CCDC14: variants seen among roughly 807,000 people sequenced by gnomAD.
CCDC14 encodes the protein coiled-coil domain containing 14, also known as coiled-coil domain-containing protein 14.
CCDC14 carries 71 observed loss-of-function variants against 81.4 expected under a neutral mutation model. The ratio of observed to expected loss-of-function variants is 0.87; its 90% confidence interval spans 0.72 to 1.06. The LOEUF is 1.06. Ranked by LOEUF, CCDC14 falls within the 50% of genes least tolerant of loss-of-function variation. The pLI is 0.00. For missense variants in CCDC14, 1,046 were observed against 1,047.3 expected (o/e 1.00, Z 0.02); for synonymous variants, 332 against 364.8 (o/e 0.91, Z 1.03).
downstream of CCDC14, among the ~76,000 whole-genome samples, chr3:123,896,552 A>G (rs9289226): frequency 5.9e-3 from 901 of 152,274 alleles, 10 homozygotes; most frequent in African/African-American, 0.021. Context: ...GCACAGAAAA[A>G]CAAATAGCAC....
chr3:123,891,905 G>A, the CCDC14 span, among the ~76,000 whole-genome samples: 5 of 152,194 alleles, frequency 3.3e-5, no homozygotes, highest in Non-Finnish European at 7.3e-5. Context: ...AGAAAGAGAG[G>A]TTTAATGGAC....
chr3:123,910,487 T>G (rs566816235), downstream of CCDC14, among the ~76,000 whole-genome samples: 20 of 152,126 alleles, frequency 1.3e-4, no homozygotes, highest in African/African-American at 4.8e-4. Flanking sequence ...GCCCTGCAGT[T>G]TTCCAGTGCT....
At chr3:123,941,949 T>A (rs925469365) in intron 9 of CCDC14, among the ~76,000 whole-genome samples, 1 of 152,128 alleles carries the variant, frequency 6.6e-6, no homozygotes, top group Non-Finnish European at 1.5e-5. Context: ...AGTTTTGGTA[T>A]CCTTATTTAA....
In CCDC14 at chr3:123,915,233, A is replaced by C. The variant is rs11551802; in HGVS notation, c.2264T>G (p.Ile755Arg). 9.7e-5 allele frequency: 156 copies of C among 1,613,758 alleles called. No homozygotes were observed. In the East Asian group the frequency reaches 3.5e-3, roughly 36 times the overall value. Residue 755 changes from isoleucine (I) to arginine (R), a missense_variant, in exon 13 of 13, where the codon ATA becomes AGA. By Grantham distance (97) the Ile-to-Arg change is moderately conservative. Transcript: ENST00000409697. ...GACTAGCTGTGTTGTAGCTGCTCTT[A>C]TTTGTGGCTGAGGGGATAGTCTCTT... Reference protein sequence around the residue: ...LSKRLSPQPQIRAATTQLVSN... With the variant: ...LSKRLSPQPQRRAATTQLVSN...
intron 5 of CCDC14, among the ~76,000 whole-genome samples, chr3:123,901,874 A>G (rs1228087594): frequency 6.6e-6 from 1 of 152,202 alleles, no homozygotes; most frequent in Non-Finnish European, 1.5e-5. Flanking sequence ...CAACTTACTA[A>G]TGAGTAGTAT....
chr3:123,956,997 G>C (rs2037361545), intron 1 of CCDC14: 1 of 379,308 alleles, frequency 2.6e-6, no homozygotes. Flanking sequence ...AATTTGACTA[G>C]TCTAGAAACT....
downstream of CCDC14, among the ~76,000 whole-genome samples, chr3:123,896,321 C>T (rs1435283336): frequency 1.3e-5 from 2 of 152,130 alleles, no homozygotes; most frequent in African/African-American, 4.8e-5. Context: ...CCAGATGAAG[C>T]CCCTTGACCT....
chr3:123,915,431 T>C lies in CCDC14; in HGVS notation c.2066A>G (p.Asn689Ser). ...AGATGCTTCCTCCATGCCCCTAGTGTTACTATTTTGAGGGCCTCTGGAGGA... is the reference window on the plus strand; with the variant it reads ...AGATGCTTCCTCCATGCCCCTAGTGCTACTATTTTGAGGGCCTCTGGAGGA... ...VLSSRGPQNS[N>S]TRGMEEASAP... Residue 689 changes from asparagine to serine, a missense_variant, in exon 13 of 13, where the codon AAC becomes AGC. By Grantham distance (46) the Asn-to-Ser change is conservative. Coordinates refer to ENST00000409697, the MANE Select transcript of CCDC14 (RefSeq NM_001366335.1). 1 of 1,614,004 alleles carries C rather than the reference T, an allele frequency of 6.2e-7. No homozygotes were observed. Among genetic ancestry groups the C allele is most frequent in the Non-Finnish European group, 8.5e-7 (1 of 1,179,902 alleles).
chr3:123,887,816 T>C, the CCDC14 span, among the ~76,000 whole-genome samples: 1 of 152,328 alleles, frequency 6.6e-6, no homozygotes, highest in African/African-American at 2.4e-5. Context: ...TTTGTTCTGT[T>C]TTGGATTGCT....
chr3:123,887,175 TA>T, the CCDC14 span, among the ~76,000 whole-genome samples: 1 of 152,212 alleles, frequency 6.6e-6, no homozygotes, highest in Non-Finnish European at 1.5e-5. Context: ...ATCTATACCA[TA>T]ATCTTCCTAT....
Position 123,931,347 on chromosome 3 carries a change from TA to T in CCDC14, c.1605del (p.Asn535LysfsTer9). On this transcript the variant is annotated frameshift_variant, in exon 11 of 13. Transcript: ENST00000409697. LOFTEE classifies it high-confidence loss of function. ...FKDKDQTILE[N>X]KQQYDIEITR... is the part of the protein sequence containing the mutation. ...GTTATCTCAATATCATATTGCTGTT[TA>T]TTTTCAAGTATAGTTTGATCTTTGT... is the stretch of plus-strand genomic sequence containing the variant. 1 of 1,522,284 alleles carries T rather than the reference TA, an allele frequency of 6.6e-7. No individual in the cohort carries two copies. The highest frequency in any genetic ancestry group is 8.9e-7 in the Non-Finnish European group (1 of 1,120,504). The allele number at this position is 1,522,284 out of a possible 1,614,324, so 94.3% of individuals were successfully genotyped here.
downstream of CCDC14, among the ~76,000 whole-genome samples, chr3:123,896,107 C>G (rs912624736): frequency 6.6e-6 from 1 of 152,120 alleles, no homozygotes; most frequent in Admixed American, 6.5e-5. Context: ...GAAATTTAAC[C>G]GCCAATGTGG....
intron 9 of CCDC14, among the ~76,000 whole-genome samples, chr3:123,934,732 C>T (rs1469352297): frequency 6.6e-6 from 1 of 152,106 alleles, no homozygotes; most frequent in East Asian, 1.9e-4. Flanking sequence ...CCTCTATTAT[C>T]TTTCCAGAAT....
Position 123,949,193 on chromosome 3 carries a change from A to G in CCDC14, c.353-61T>C, listed in dbSNP as rs562030787. On this transcript the variant is annotated intron_variant, in intron 5 of 12. Transcript: ENST00000409697. ...ATTCTTCAAAAACTTTTACCGTAAG[A>G]TTTTAAGAGAAGAAAGGGCTCTCAG... The G allele has an allele frequency of 1.4e-3, 1,470 of 1,055,532 alleles. 1 individual carries two copies. Among genetic ancestry groups the G allele is most frequent in the Non-Finnish European group, 1.9e-3 (1,364 of 714,246 alleles). The allele number at this position is 1,055,532 out of a possible 1,614,324, so 65.4% of individuals were successfully genotyped here.
intron 8 of CCDC14, among the ~76,000 whole-genome samples, chr3:123,945,301 T>C (rs1359139695): frequency 3.3e-5 from 5 of 152,076 alleles, no homozygotes; most frequent in Admixed American, 6.6e-5. Flanking sequence ...ACAAAACTCT[T>C]AGTCCATAGT....
intron 10 of CCDC14, among the ~76,000 whole-genome samples, chr3:123,931,782 CT>C: frequency 6.6e-6 from 1 of 152,136 alleles, no homozygotes; most frequent in South Asian, 2.1e-4. Context: ...ATACATAATC[CT>C]TTTAAAAGAA....
At chr3:123,960,175 T>C (rs1265741060) in intron 1 of CCDC14, among the ~76,000 whole-genome samples, 1 of 152,250 alleles carries the variant, frequency 6.6e-6, no homozygotes, top group Admixed American at 6.5e-5. Flanking sequence ...ATTAAACTTT[T>C]AATTTTGCTA....
rs749347007 is a variant in CCDC14, at chr3:123,948,969, C to T, written c.516G>A (p.Leu172=). The T allele has an allele frequency of 1.9e-6, 3 of 1,613,988 alleles. No homozygotes were observed. Among genetic ancestry groups the T allele is most frequent in the Non-Finnish European group, 2.5e-6 (3 of 1,179,892 alleles). ...TGTTCTTTGAAGTCAAGTCATTCAT[C>T]AGTGACATCTGAGTCTGCACGTGCT... ...LCEHVQTQMS[L]MNDLTSKNIP... The change falls in exon 6 of 13, where the codon CTG becomes CTA. Residue 172 remains leucine, a synonymous_variant. Transcript: ENST00000409697.
intron 1 of CCDC14, among the ~76,000 whole-genome samples, chr3:123,959,875 T>C (rs186177870): frequency 6.6e-6 from 1 of 152,342 alleles, no homozygotes; most frequent in East Asian, 1.9e-4. Flanking sequence ...TATTCATAAA[T>C]TTTTAATGGT....
Sources: gnomAD v4.1 joint callset for allele counts (sites outside exome capture counted in the v4.1 genomes callset) on GRCh38, gnomAD v4.1.1 for gene constraint, MANE v1.5 for transcripts, NCBI Gene and HGNC (gene_info 2026-07-23, HGNC 2026-07-21) for gene names.